SHPRH: variants seen among roughly 807,000 people sequenced by gnomAD.
The protein encoded by SHPRH is SNF2 histone linker PHD RING helicase.
A neutral mutation model predicts 202.5 loss-of-function variants in SHPRH; 106 were observed. The observed-to-expected ratio is 0.52, with a 90% CI of 0.45 to 0.62. The LOEUF (loss-of-function observed/expected upper bound fraction) is 0.62. Ranked by LOEUF, SHPRH falls within the 20% of genes least tolerant of loss-of-function variation. The pLI is 0.00. For missense variants in SHPRH, 1,710 were observed against 2,020.0 expected, an observed-to-expected ratio of 0.85 and a Z score of 2.94; for synonymous variants, 729 against 686.0, an observed-to-expected ratio of 1.06 and a Z score of -0.98.
chr6:145,885,177 T>C lies in SHPRH; in HGVS notation c.*1514A>G, dbSNP rs915166696. 6.6e-6 allele frequency: 1 copy of C among 152,202 alleles called. No individual in the cohort carries two copies. The allele number at this position is 152,202 out of a possible 1,614,324, so 9.4% of individuals were successfully genotyped here. A position where few individuals can be genotyped will look rare whatever the true frequency, so the allele number is the denominator to read the frequency against. On this transcript the variant is annotated 3_prime_UTR_variant, in exon 30 of 30. Coordinates refer to ENST00000275233, the MANE Select transcript of SHPRH (RefSeq NM_001042683.3). ...TTCTCTACCTTTAAAACAGTAAAGATATTAATTATATCAACTTCACAAGAT... is the reference window on the plus strand; with the variant it reads ...TTCTCTACCTTTAAAACAGTAAAGACATTAATTATATCAACTTCACAAGAT...
At chr6:145,894,999 A>AT (rs1239068689) in intron 25 of SHPRH, 22 bp from the exon 26 acceptor site, 1 of 1,597,852 alleles carries the variant, frequency 6.3e-7, no homozygotes, top group Non-Finnish European at 8.6e-7. Context: ...CACACAAAAT[A>AT]CACATTACTA....
At chr6:145,893,053 T>TATAA (rs1255314550) in intron 28 of SHPRH, among the ~76,000 whole-genome samples, 162 bp downstream of exon 28, 1 of 151,876 alleles carries the variant, frequency 6.6e-6, no homozygotes, top group African/African-American at 2.4e-5. Context: ...ATTAAAAAGT[T>TATAA]ATAAATAAAT....
intron 17 of SHPRH, among the ~76,000 whole-genome samples, chr6:145,924,039 A>G (rs2128751796): frequency 1.3e-5 from 2 of 152,088 alleles, no homozygotes; most frequent in South Asian, 2.1e-4. Flanking sequence ...GCATTTATAT[A>G]ACAAAGCTGT....
chr6:145,883,046 G>A (rs1055061682), downstream of SHPRH, among the ~76,000 whole-genome samples: 1 of 152,122 alleles, frequency 6.6e-6, no homozygotes, highest in Non-Finnish European at 1.5e-5. Flanking sequence ...GTTTACTGGA[G>A]AGACAAAGAT....
chr6:145,936,613 CACCA>C (rs1282220657), intron 11 of SHPRH, among the ~76,000 whole-genome samples: 1 of 152,072 alleles, frequency 6.6e-6, no homozygotes, highest in Non-Finnish European at 1.5e-5. Flanking sequence ...AGGTGTGAGC[CACCA>C]TGTCCGGGTT....
In SHPRH at chr6:145,886,241, T is replaced by C; in HGVS notation, c.*450A>G. The C allele has an allele frequency of 2.2e-6, 1 of 461,338 alleles. No homozygotes were observed. The highest frequency in any genetic ancestry group is 4.1e-6 in the Non-Finnish European group (1 of 246,064). The allele number at this position is 461,338 out of a possible 1,614,324, so 28.6% of individuals were successfully genotyped here. ...TATAATTCACCATCTACTTAAAATA[T>C]TACTAACAAGATATTGGTGAATCAT... On this transcript the variant is annotated 3_prime_UTR_variant, in exon 30 of 30. Transcript: ENST00000275233.
intron 3 of SHPRH, among the ~76,000 whole-genome samples, chr6:145,951,241 T>C (rs1787943338): frequency 1.3e-5 from 2 of 152,126 alleles, no homozygotes; most frequent in Non-Finnish European, 2.9e-5. Flanking sequence ...CAGCTAATGG[T>C]TCTTTATTAA....
Position 145,945,615 on chromosome 6 carries a change from T to G in SHPRH, c.1344A>C (p.Thr448=), listed in dbSNP as rs775373717. ...QCPPTRVMIL[T]AVKEMNGKKG... is the part of the protein sequence containing the mutation. ...TTTTTCCATTCATTTCTTTCACAGC[T>G]GTCAGTATCATCACACGTGTAGCTA... The change falls in exon 8 of 30, where the codon ACA becomes ACC. Residue 448 remains threonine (T), a synonymous_variant. Coordinates refer to ENST00000275233, the MANE Select transcript of SHPRH (RefSeq NM_001042683.3). 4 of 1,611,636 alleles carry G rather than the reference T, an allele frequency of 2.5e-6. No individual in the cohort carries two copies. Among genetic ancestry groups the G allele is most frequent in the Non-Finnish European group, 3.4e-6 (4 of 1,179,206 alleles).
intron 11 of SHPRH, among the ~76,000 whole-genome samples, chr6:145,936,898 C>G (rs1483771813): frequency 1.3e-5 from 2 of 151,548 alleles, no homozygotes; most frequent in Admixed American, 6.6e-5. Flanking sequence ...TATGTTACCT[C>G]TTTTTTGAGG....
intron 23 of SHPRH, among the ~76,000 whole-genome samples, chr6:145,914,172 T>G (rs1365259359): frequency 6.6e-6 from 1 of 151,848 alleles, no homozygotes; most frequent in Admixed American, 6.6e-5. Context: ...TTGGCTGGGG[T>G]TGGATGGTCT....
chr6:145,957,096 G>A (rs1430424773), intron 1 of SHPRH, among the ~76,000 whole-genome samples: 1 of 152,080 alleles, frequency 6.6e-6, no homozygotes, highest in Admixed American at 6.5e-5. Context: ...ATGGTCAATT[G>A]ATTTTTGAAA....
chr6:145,886,856 A>T, intron 29 of SHPRH, 69 bp from the exon 30 acceptor site: 1 of 1,524,454 alleles, frequency 6.6e-7, no homozygotes, highest in Non-Finnish European at 8.9e-7. Flanking sequence ...ATTTGTAGTA[A>T]TACGAACTAG....
intron 29 of SHPRH, among the ~76,000 whole-genome samples, chr6:145,887,089 G>T (rs1781091451): frequency 6.6e-6 from 1 of 152,132 alleles, no homozygotes; most frequent in South Asian, 2.1e-4. Context: ...CTTACCACCT[G>T]AAGTTAATTT....
chr6:145,948,824 T>C (rs1787674084), intron 4 of SHPRH, among the ~76,000 whole-genome samples: 1 of 151,932 alleles, frequency 6.6e-6, no homozygotes, highest in African/African-American at 2.4e-5. Context: ...AAGGCTTACT[T>C]AACTGGGAAA....
chr6:145,884,212 G>A (rs1269256395), downstream of SHPRH: 1 of 152,072 alleles, frequency 6.6e-6, no homozygotes, highest in African/African-American at 2.4e-5. Flanking sequence ...TTAGTTTGTT[G>A]TTCATGTGAT....
In SHPRH at chr6:145,924,755, T is replaced by A; in HGVS notation, c.3386A>T (p.His1129Leu). 1 of 1,611,660 alleles carries A rather than the reference T, an allele frequency of 6.2e-7. No homozygotes were observed. Among genetic ancestry groups the A allele is most frequent in the Non-Finnish European group, 8.5e-7 (1 of 1,178,342 alleles). The change falls in exon 17 of 30, where the codon CAT (histidine) becomes CTT (leucine). Residue 1129 changes from histidine to leucine, a missense_variant. By Grantham distance (99) the His-to-Leu change is moderately conservative. Transcript: ENST00000275233. The stretch of plus-strand genomic sequence containing the variant: ...TTGGCATACCTTTCTTTGAAGCTCA[T>A]GGATGGTCTGCTGCACAGGATATAA... ...QALYPVQQTI[H>L]ELQRKIHSNS... is the part of the protein sequence containing the mutation.
chr6:145,935,983 T>C (rs1007484796), intron 11 of SHPRH: 2 of 152,262 alleles, frequency 1.3e-5, no homozygotes, highest in Admixed American at 6.5e-5. Flanking sequence ...CAACAATATG[T>C]AGAAAAATGA....
At chr6:145,881,820 AAG>A (rs1780592641), downstream of SHPRH, among the ~76,000 whole-genome samples, 1 of 152,138 alleles carries the variant, frequency 6.6e-6, no homozygotes, top group African/African-American at 2.4e-5. Context: ...AAGGGAAAAA[AAG>A]AGAGAATTAA....
chr6:145,941,716 C>T lies in SHPRH; in HGVS notation c.2397G>A (p.Lys799=). 1 of 1,614,002 alleles carries T rather than the reference C, an allele frequency of 6.2e-7. No individual in the cohort carries two copies. The highest frequency in any genetic ancestry group is 2.2e-5 in the East Asian group (1 of 44,870). The change falls in exon 10 of 30, where the codon AAG becomes AAA. Residue 799 remains lysine, a synonymous_variant. Coordinates refer to ENST00000275233, the MANE Select transcript of SHPRH (RefSeq NM_001042683.3). ...SEDGRRLRNQ[K]RYMAIPSPLV... is the part of the protein sequence containing the mutation. ...GGGGGCTCGGGATAGCCATATAGCG[C>T]TTCTGGTTCCGTAGGCGACGCCCAT...
Sources: gnomAD v4.1 joint callset for allele counts (sites outside exome capture counted in the v4.1 genomes callset) on GRCh38, gnomAD v4.1.1 for gene constraint, MANE v1.5 for transcripts, NCBI Gene and HGNC (gene_info 2026-07-23, HGNC 2026-07-21) for gene names.